Variants in GLT1D1 observed in about 807,000 individuals in gnomAD.
GLT1D1 encodes glycosyltransferase 1 domain containing 1.
Under a neutral mutation model 28.7 loss-of-function variants are expected in GLT1D1, and 21 were observed. The ratio of observed to expected loss-of-function variants is 0.73; its 90% CI spans 0.52 to 1.05. The LOEUF (loss-of-function observed/expected upper bound fraction) is 1.05. GLT1D1 is among the 50% of genes least tolerant of loss of function. GLT1D1 has a pLI of 0.00. For missense variants in GLT1D1, 343 were observed against 330.6 expected (o/e 1.04, Z -0.29); for synonymous variants, 147 against 124.8 (o/e 1.18, Z -1.19).
At chr12:128,891,760 T>C (rs143075333) in intron 3 of GLT1D1, among the ~76,000 whole-genome samples, 2,791 of 152,258 alleles carry the variant, frequency 0.018, 42 homozygotes, top group Middle Eastern at 0.048. Context: ...TAGTCCTTCC[T>C]GAGGACCCCG....
chr12:128,892,159 G>A (rs1869133787), intron 3 of GLT1D1, among the ~76,000 whole-genome samples: 1 of 152,276 alleles, frequency 6.6e-6, no homozygotes, highest in Non-Finnish European at 1.5e-5. Context: ...GAGCAGAGGG[G>A]TGACTTTGAA....
intron 4 of GLT1D1, among the ~76,000 whole-genome samples, chr12:128,903,628 A>T (rs1870538572): frequency 6.6e-6 from 1 of 151,780 alleles, no homozygotes; most frequent in African/African-American, 2.4e-5. Context: ...TCACTCGTGC[A>T]TCCCTGGAGA....
chr12:128,875,822 C>CAGCAACCA (rs1956855799), intron 1 of GLT1D1, 92 bp from the exon 2 acceptor site: 1 of 898,266 alleles, frequency 1.1e-6, no homozygotes, highest in African/African-American at 1.8e-5. Flanking sequence ...CAACAACAAC[C>CAGCAACCA]AAAAAAAAAA....
chr12:128,887,043 G>A (rs998781033), intron 2 of GLT1D1, among the ~76,000 whole-genome samples: 6 of 149,040 alleles, frequency 4.0e-5, no homozygotes, highest in South Asian at 2.1e-4. Context: ...GCGGAGTCTC[G>A]CTCTATCACC....
At chr12:128,858,398 C>CTGG (rs1357497992) in intron 1 of GLT1D1, among the ~76,000 whole-genome samples, 54 of 152,278 alleles carry the variant, frequency 3.5e-4, no homozygotes, top group Admixed American at 9.2e-4. Flanking sequence ...TCTGCCGGGC[C>CTGG]TGGTGGCTCA....
chr12:128,928,341 T>G (rs918153133), intron 4 of GLT1D1, among the ~76,000 whole-genome samples: 4 of 152,074 alleles, frequency 2.6e-5, no homozygotes, highest in African/African-American at 7.2e-5. Flanking sequence ...ATGGAGCCCC[T>G]GAGAGCCACT....
At chr12:128,912,608 G>A (rs1871656018) in intron 4 of GLT1D1, 148 bp downstream of exon 5, 1 of 348,310 alleles carries the variant, frequency 2.9e-6, no homozygotes, top group East Asian at 4.4e-5. Context: ...AGATGTTTAT[G>A]AAGGAGATAA....
chr12:128,908,944 G>A (rs1197378408), intron 4 of GLT1D1, among the ~76,000 whole-genome samples: 4 of 149,860 alleles, frequency 2.7e-5, no homozygotes, highest in South Asian at 2.1e-4. Context: ...GCGAGACTCC[G>A]TCTCAAAAAT....
intron 4 of GLT1D1, among the ~76,000 whole-genome samples, chr12:128,924,564 C>A (rs1872994034): frequency 6.6e-6 from 1 of 152,034 alleles, no homozygotes; most frequent in African/African-American, 2.4e-5. Flanking sequence ...TCAAGTGATT[C>A]TCCTGCCTCA....
At chr12:128,860,231 C>G (rs563515129) in intron 1 of GLT1D1, among the ~76,000 whole-genome samples, 1 of 152,194 alleles carries the variant, frequency 6.6e-6, no homozygotes, top group African/African-American at 2.4e-5. Flanking sequence ...GAGGCCGAGG[C>G]GGGCAGATCA....
chr12:128,873,913 C>CTTTTTCTT (rs1566090439), intron 1 of GLT1D1, among the ~76,000 whole-genome samples: 126 of 122,410 alleles, frequency 1.0e-3, no homozygotes, highest in African/African-American at 3.7e-3. Flanking sequence ...CTTTCTTTCT[C>CTTTTTCTT]TCTTTCTTTT....
At chr12:128,857,136 G>T (rs1044914798) in intron 1 of GLT1D1, among the ~76,000 whole-genome samples, 1 of 152,114 alleles carries the variant, frequency 6.6e-6, no homozygotes, top group Non-Finnish European at 1.5e-5. Context: ...CACCCACAAG[G>T]TCACGTTACT....
At chr12:128,864,978 A>G (rs1593049663) in intron 1 of GLT1D1, among the ~76,000 whole-genome samples, 1 of 152,166 alleles carries the variant, frequency 6.6e-6, no homozygotes, top group Admixed American at 6.5e-5. Context: ...AGGCTGGAGG[A>G]GAGGGAAGGT....
chr12:128,963,329 A>C (rs1334624394), intron 7 of GLT1D1, among the ~76,000 whole-genome samples: 1 of 152,008 alleles, frequency 6.6e-6, no homozygotes, highest in Non-Finnish European at 1.5e-5. Context: ...GGGCCAGAAA[A>C]TAGAAAGGAC....
At chr12:128,923,978 A>T (rs1301987190) in intron 4 of GLT1D1, among the ~76,000 whole-genome samples, 1 of 151,562 alleles carries the variant, frequency 6.6e-6, no homozygotes, top group African/African-American at 2.4e-5. Flanking sequence ...CCACCCCTGC[A>T]TTTCTCCTGA....
chr12:128,953,581 G>A (rs1468132912), intron 6 of GLT1D1, among the ~76,000 whole-genome samples: 3 of 152,152 alleles, frequency 2.0e-5, no homozygotes, highest in African/African-American at 7.2e-5. Context: ...CAGTCTTAAA[G>A]ACTTAACTTG....
At chr12:128,903,222 A>G (rs1244915153) in intron 4 of GLT1D1, among the ~76,000 whole-genome samples, 1 of 151,524 alleles carries the variant, frequency 6.6e-6, no homozygotes, top group Admixed American at 6.6e-5. Flanking sequence ...GTTGCCTTAA[A>G]CACGCAGGGT....
intron 7 of GLT1D1, among the ~76,000 whole-genome samples, chr12:128,976,925 C>T (rs1015968934): frequency 2.0e-5 from 3 of 152,178 alleles, no homozygotes; most frequent in African/African-American, 7.2e-5. Flanking sequence ...GAAGGTGGAT[C>T]ACTTGAGGCC....
intron 4 of GLT1D1, among the ~76,000 whole-genome samples, chr12:128,934,927 TC>T (rs1439159295): frequency 7.1e-6 from 1 of 141,302 alleles, no homozygotes; most frequent in Non-Finnish European, 1.5e-5. Flanking sequence ...CAGGTCAGGG[TC>T]CTGGAAGTCT....
Sources: gnomAD v4.1 joint callset for allele counts (sites outside exome capture counted in the v4.1 genomes callset) on GRCh38, gnomAD v4.1.1 for gene constraint, MANE v1.5 for transcripts, NCBI Gene and HGNC (gene_info 2026-07-23, HGNC 2026-07-21) for gene names.